The following ATL2 variants were observed in gnomAD, a reference collection of about 807,000 sequenced individuals.
ATL2 encodes atlastin GTPase 2.
A neutral mutation model predicts 73.9 loss-of-function variants in ATL2; 31 were observed. The ratio of observed to expected loss-of-function variants is 0.42; its 90% confidence interval spans 0.32 to 0.57. ATL2 has a LOEUF of 0.57. Among genes scored for constraint, ATL2 ranks in the 20% least tolerant of loss-of-function variants. ATL2 has a pLI of 0.14. For missense variants in ATL2, 738 were observed against 702.6 expected, an observed-to-expected ratio of 1.05 and a Z score of -0.57; for synonymous variants, 291 against 237.5, an observed-to-expected ratio of 1.23 and a Z score of -2.07.
intron 1 of ATL2, among the ~76,000 whole-genome samples, chr2:38,350,469 TA>T (rs1670274392): frequency 6.6e-6 from 1 of 152,154 alleles, no homozygotes; most frequent in Non-Finnish European, 1.5e-5. Flanking sequence ...TGAACAGGCA[TA>T]ACACAGAAGA....
intron 1 of ATL2, among the ~76,000 whole-genome samples, chr2:38,349,444 G>A (rs1670216034): frequency 6.9e-6 from 1 of 144,260 alleles, no homozygotes; most frequent in African/African-American, 2.6e-5. Flanking sequence ...AACACCGCAT[G>A]TTCTCACTCA....
intron 1 of ATL2, among the ~76,000 whole-genome samples, chr2:38,368,247 C>CG (rs1362985311): frequency 2.2e-4 from 30 of 138,046 alleles, no homozygotes; most frequent in African/African-American, 5.5e-4. Flanking sequence ...AAAATAAGGA[C>CG]TTTTTTTTTT....
At chr2:38,343,192 T>C (rs1309449786) in intron 2 of ATL2, 76 bp downstream of exon 2, 9 of 1,028,464 alleles carry the variant, frequency 8.8e-6, no homozygotes, top group East Asian at 2.9e-5. Context: ...ATAGTTCTGG[T>C]TTTTGTCTAT....
chr2:38,320,892 C>G (rs916234136), intron 2 of ATL2, among the ~76,000 whole-genome samples: 1 of 152,004 alleles, frequency 6.6e-6, no homozygotes, highest in Non-Finnish European at 1.5e-5. Flanking sequence ...CGCCTGTAAT[C>G]CCAGCACTTT....
chr2:38,377,782 C>G (rs1024354679), upstream of ATL2, among the ~76,000 whole-genome samples: 1 of 151,770 alleles, frequency 6.6e-6, no homozygotes, highest in Non-Finnish European at 1.5e-5. Context: ...CCATCCACCC[C>G]CCAAGTTGTT....
At chr2:38,333,382 T>C (rs1669115974) in intron 2 of ATL2, among the ~76,000 whole-genome samples, 1 of 151,978 alleles carries the variant, frequency 6.6e-6, no homozygotes, top group Admixed American at 6.6e-5. Context: ...GTTAATTACC[T>C]TAAAAAAAAA....
chr2:38,319,615 AAGAGAG>A (rs74780180), intron 2 of ATL2, among the ~76,000 whole-genome samples: 2 of 149,402 alleles, frequency 1.3e-5, no homozygotes, highest in African/African-American at 2.5e-5. Flanking sequence ...AAAAAAAAAA[AAGAGAG>A]AGAGAGAGAG....
intron 2 of ATL2, among the ~76,000 whole-genome samples, chr2:38,322,896 A>C (rs764809909): frequency 1.3e-5 from 2 of 152,182 alleles, no homozygotes; most frequent in Non-Finnish European, 2.9e-5. Context: ...AACAACAACA[A>C]CAAAGATGAA....
intron 2 of ATL2, among the ~76,000 whole-genome samples, chr2:38,341,911 G>A (rs1224347654): frequency 6.6e-6 from 1 of 152,152 alleles, no homozygotes; most frequent in African/African-American, 2.4e-5. Context: ...CCTGACAGGT[G>A]TTTAGACAAT....
chr2:38,300,390 G>T, intron 9 of ATL2, 62 bp from the exon 10 acceptor site: 3 of 1,127,348 alleles, frequency 2.7e-6, no homozygotes, highest in South Asian at 1.3e-5. Context: ...CATCCCCAAA[G>T]AAAGAAAAGT....
intron 1 of ATL2, among the ~76,000 whole-genome samples, chr2:38,355,630 C>G (rs1670613156): frequency 6.6e-6 from 1 of 150,796 alleles, no homozygotes; most frequent in African/African-American, 2.4e-5. Context: ...GTAAGAAACT[C>G]AAAATACACG....
At chr2:38,324,310 T>A (rs1023203279) in intron 2 of ATL2, among the ~76,000 whole-genome samples, 2 of 152,080 alleles carry the variant, frequency 1.3e-5, no homozygotes, top group Non-Finnish European at 2.9e-5. Context: ...GCTACAATAA[T>A]AAGCGAGATC....
intron 9 of ATL2, among the ~76,000 whole-genome samples, chr2:38,306,425 A>C (rs1667451015): frequency 6.6e-6 from 1 of 152,232 alleles, no homozygotes; most frequent in Admixed American, 6.5e-5. Context: ...AAACCAGACA[A>C]AGACTCAGCA....
At chr2:38,359,862 T>C (rs1052326774) in intron 1 of ATL2, among the ~76,000 whole-genome samples, 4 of 151,974 alleles carry the variant, frequency 2.6e-5, no homozygotes, top group African/African-American at 9.7e-5. Context: ...GCGCGGTGGC[T>C]CACGCCTGTA....
chr2:38,311,777 T>C (rs1214698283), intron 7 of ATL2, among the ~76,000 whole-genome samples: 1 of 152,204 alleles, frequency 6.6e-6, no homozygotes, highest in Non-Finnish European at 1.5e-5. Flanking sequence ...ACACTTATGA[T>C]TTGAGCAATT....
At chr2:38,307,796 G>A (rs542715944) in intron 9 of ATL2, among the ~76,000 whole-genome samples, 8 of 152,088 alleles carry the variant, frequency 5.3e-5, no homozygotes, top group Admixed American at 3.3e-4. Flanking sequence ...ATCAAAAAAC[G>A]GGCAAAAGAT....
intron 2 of ATL2, among the ~76,000 whole-genome samples, chr2:38,328,170 T>A (rs1668775386): frequency 6.6e-6 from 1 of 152,130 alleles, no homozygotes; most frequent in African/African-American, 2.4e-5. Context: ...AAGAGTTGCA[T>A]TACACCAAAA....
intron 7 of ATL2, among the ~76,000 whole-genome samples, chr2:38,311,863 A>G (rs999278300): frequency 6.6e-6 from 1 of 152,246 alleles, no homozygotes; most frequent in African/African-American, 2.4e-5. Context: ...TTCTGAGTTT[A>G]GTTAGTATGT....
At chr2:38,301,601 T>A (rs755910050) in intron 9 of ATL2, among the ~76,000 whole-genome samples, 12 of 152,166 alleles carry the variant, frequency 7.9e-5, no homozygotes, top group African/African-American at 1.2e-4. Flanking sequence ...ACTGTGGAAT[T>A]TTTGCATTGA....
Sources: allele counts gnomAD v4.1 joint callset (sites outside exome capture counted in the v4.1 genomes callset), GRCh38; gene constraint gnomAD v4.1.1; transcripts MANE v1.5; gene names NCBI Gene and HGNC (gene_info 2026-07-23, HGNC 2026-07-21).